Variants in ABCC1 observed in about 807,000 individuals in gnomAD.
ABCC1 encodes the protein multidrug resistance-associated protein 1.
A neutral mutation model predicts 172.9 loss-of-function variants in ABCC1; 83 were observed. The ratio of observed to expected loss-of-function variants is 0.48; its 90% CI spans 0.40 to 0.58. The LOEUF (loss-of-function observed/expected upper bound fraction) is 0.58. Ranked by LOEUF, ABCC1 falls within the 20% of genes least tolerant of loss-of-function variation. The pLI is 0.00. For synonymous variants in ABCC1, 937 were observed against 825.2 expected, an observed-to-expected ratio of 1.14 and a Z score of -2.32; for missense variants, 1,817 against 2,002.7, an observed-to-expected ratio of 0.91 and a Z score of 1.77.
chr16:15,964,711 T>A (rs547026991), intron 1 of ABCC1, among the ~76,000 whole-genome samples: 21 of 152,126 alleles, frequency 1.4e-4, no homozygotes, highest in African/African-American at 4.3e-4. Flanking sequence ...AGAGACAGGA[T>A]CTCCCTATGT....
At chr16:16,076,033 G>GC (rs2050550445) in intron 14 of ABCC1, 1 of 462,472 alleles carries the variant, frequency 2.2e-6, no homozygotes, top group Non-Finnish European at 3.8e-6. Context: ...TTCTCATGCG[G>GC]CCCCCGCCTC....
At chr16:16,103,546 C>G (rs1016842358) in intron 20 of ABCC1, among the ~76,000 whole-genome samples, 1 of 152,154 alleles carries the variant, frequency 6.6e-6, no homozygotes, top group African/African-American at 2.4e-5. Flanking sequence ...CGCCATGGCA[C>G]TCCAGCCTGG....
At chr16:15,997,158 C>T (rs2047086502) in intron 1 of ABCC1, among the ~76,000 whole-genome samples, 1 of 147,792 alleles carries the variant, frequency 6.8e-6, no homozygotes, top group Non-Finnish European at 1.5e-5. Flanking sequence ...GTGGTGCAAT[C>T]TCGGCTCACT....
intron 1 of ABCC1, among the ~76,000 whole-genome samples, chr16:15,952,375 A>C (rs1300311665): frequency 1.3e-5 from 2 of 152,120 alleles, no homozygotes. Context: ...GTTGTGACCA[A>C]GGTCATGTGC....
chr16:16,095,908 C>T (rs770480594), intron 19 of ABCC1, among the ~76,000 whole-genome samples: 2 of 152,028 alleles, frequency 1.3e-5, no homozygotes, highest in East Asian at 1.9e-4. Context: ...AAGTATTTAC[C>T]GAGTTTTTCT....
chr16:15,958,380 G>A (rs1159598073), intron 1 of ABCC1, among the ~76,000 whole-genome samples: 2 of 152,160 alleles, frequency 1.3e-5, no homozygotes, highest in African/African-American at 4.8e-5. Context: ...AAAGTGCTGG[G>A]ATTACAGGCA....
intron 1 of ABCC1, among the ~76,000 whole-genome samples, chr16:15,994,192 C>T (rs573707942): frequency 6.6e-6 from 1 of 152,234 alleles, no homozygotes; most frequent in South Asian, 2.1e-4. Context: ...TGTACTCAAG[C>T]CTGGGCAACA....
Position 15,993,717 on chromosome 16 carries a change from G to A in ABCC1, c.49-14099G>A, listed in dbSNP as rs74011352. ...GACGGGAACCTAGACCTGGAACCTT[G>A]TTTTGTTAACCACTACCCTGCACTG... On this transcript the variant is annotated intron_variant, in intron 1 of 30. Coordinates refer to ENST00000399410, the MANE Select transcript of ABCC1 (RefSeq NM_004996.4). Among the ~76,000 whole-genome samples, 300 of 104,810 alleles carry A rather than the reference G, an allele frequency of 2.9e-3. 5 individuals carry two copies. The highest frequency in any genetic ancestry group is 0.011 in the African/African-American group (280 of 26,522). 68.8% of individuals were successfully genotyped at this position (104,810 alleles called of 152,430 possible). A position where few individuals can be genotyped will look rare whatever the true frequency, so the allele number is the denominator to read the frequency against.
chr16:16,078,322 T>C (rs1346154633), intron 15 of ABCC1, among the ~76,000 whole-genome samples: 1 of 152,158 alleles, frequency 6.6e-6, no homozygotes, highest in Non-Finnish European at 1.5e-5. Flanking sequence ...GGCCTGGGGT[T>C]GACCTGCCCC....
In ABCC1 at chr16:16,133,402, GTTT is replaced by G. The variant is rs56923108; in HGVS notation, c.3967-946_3967-944del. Among the ~76,000 whole-genome samples, 141 of 69,796 alleles carry G rather than the reference GTTT, an allele frequency of 2.0e-3. 1 individual carries two copies. The highest frequency in any genetic ancestry group is 5.3e-3 in the African/African-American group (135 of 25,298). The allele number at this position is 69,796 out of a possible 152,430, so 45.8% of individuals were successfully genotyped here. A position where few individuals can be genotyped will look rare whatever the true frequency, so the allele number is the denominator to read the frequency against. ...TGTTTTTGTTTTTGTTTTTGTTTTT[GTTT>G]TGTTTTGTTTTGTTTTGAGACAGCC... On this transcript the variant is annotated intron_variant, in intron 27 of 30. Coordinates refer to ENST00000399410, the MANE Select transcript of ABCC1 (RefSeq NM_004996.4).
At chr16:16,115,863 C>T (rs538362226) in intron 23 of ABCC1, among the ~76,000 whole-genome samples, 3 of 151,682 alleles carry the variant, frequency 2.0e-5, no homozygotes, top group South Asian at 2.1e-4. Context: ...TTTAAAAAAT[C>T]TTACCATATT....
chr16:16,098,264 C>G (rs140473446), intron 19 of ABCC1: 1 of 157,358 alleles, frequency 6.4e-6, no homozygotes, highest in South Asian at 1.9e-4. Flanking sequence ...TGCGTAAAAA[C>G]AAGCCTGAAG....
At chr16:15,994,771 C>CT (rs1010026925) in intron 1 of ABCC1, among the ~76,000 whole-genome samples, 7 of 150,976 alleles carry the variant, frequency 4.6e-5, no homozygotes, top group East Asian at 2.0e-4. Flanking sequence ...TTTTTCTTTT[C>CT]TTTTTTTTGC....
chr16:16,041,974 G>A (rs1367933110), intron 7 of ABCC1, among the ~76,000 whole-genome samples: 1 of 152,056 alleles, frequency 6.6e-6, no homozygotes, highest in Non-Finnish European at 1.5e-5. Flanking sequence ...GCGCTCACCT[G>A]TAATCCAGCT....
At chr16:15,998,332 G>T (rs1374798359) in intron 1 of ABCC1, among the ~76,000 whole-genome samples, 1 of 151,994 alleles carries the variant, frequency 6.6e-6, no homozygotes, top group African/African-American at 2.4e-5. Context: ...TTACTTTGTT[G>T]CCCAGGCTTT....
intron 2 of ABCC1, 30 bp from the exon 3 acceptor site, chr16:16,009,746 T>C (rs2047699544): frequency 1.3e-6 from 2 of 1,586,726 alleles, no homozygotes; most frequent in Non-Finnish European, 1.7e-6. Flanking sequence ...GGGCGGTCTG[T>C]TGTAGGATAT....
At chr16:16,065,144 C>T (rs2151942082) in intron 12 of ABCC1, among the ~76,000 whole-genome samples, 1 of 152,286 alleles carries the variant, frequency 6.6e-6, no homozygotes. Flanking sequence ...GGGAGAGTGA[C>T]AGATGACGCC....
intron 21 of ABCC1, among the ~76,000 whole-genome samples, chr16:16,109,975 A>G (rs2052313673): frequency 6.6e-6 from 1 of 152,116 alleles, no homozygotes; most frequent in African/African-American, 2.4e-5. Context: ...TTGCTGCCCC[A>G]TGATCTCCTG....
chr16:16,040,368 A>G (rs2048929713), intron 7 of ABCC1, among the ~76,000 whole-genome samples: 1 of 151,250 alleles, frequency 6.6e-6, no homozygotes, highest in Non-Finnish European at 1.5e-5. Flanking sequence ...GCTCACTGCA[A>G]CCTCCACCCC....
Sources: gnomAD v4.1 joint callset for allele counts (sites outside exome capture counted in the v4.1 genomes callset) on GRCh38, gnomAD v4.1.1 for gene constraint, MANE v1.5 for transcripts, NCBI Gene and HGNC (gene_info 2026-07-23, HGNC 2026-07-21) for gene names.